SPICE1: variants seen among roughly 807,000 people sequenced by gnomAD.
SPICE1 encodes spindle and centriole associated protein 1.
A neutral mutation model predicts 102.7 loss-of-function variants in SPICE1; 75 were observed. The ratio of observed to expected loss-of-function variants is 0.73; its 90% CI spans 0.61 to 0.88. The LOEUF (loss-of-function observed/expected upper bound fraction) is 0.88, where lower values mean the gene tolerates loss of function less well. Ranked by LOEUF, SPICE1 falls within the 40% of genes least tolerant of loss-of-function variation. The pLI is 0.00. For synonymous variants in SPICE1, 308 were observed against 350.3 expected (o/e 0.88, Z 1.35); for missense variants, 979 against 1,020.1 (o/e 0.96, Z 0.55).
In SPICE1 at chr3:113,445,357, C is replaced by A; in HGVS notation, c.2518G>T (p.Glu840Ter). ...AACCAGCCTTCTTCATTCTGTTTCT[C>A]AATCTGTTGAACAAAGACACGGAAA... ...FTPLNPRAKI[E>*]KQNEEGWFAL... The change falls in exon 18 of 18, where the codon GAG (glutamate) becomes TAG (stop). Residue 840 changes from glutamate (E) to a stop codon, truncating the protein, a stop_gained. Transcript: ENST00000295872. LOFTEE classifies it high-confidence loss of function. The A allele has an allele frequency of 1.2e-6, 2 of 1,612,324 alleles. No homozygotes were observed. Among genetic ancestry groups the A allele is most frequent in the Non-Finnish European group, 1.7e-6 (2 of 1,179,120 alleles).
intron 7 of SPICE1, among the ~76,000 whole-genome samples, chr3:113,477,404 A>T (rs1384178759): frequency 1.3e-5 from 2 of 151,836 alleles, no homozygotes; most frequent in African/African-American, 4.8e-5. Context: ...TAGAACTAGA[A>T]ATACCATTTG....
At chr3:113,466,745 A>G (rs1936066938) in intron 10 of SPICE1, among the ~76,000 whole-genome samples, 2 of 152,242 alleles carry the variant, frequency 1.3e-5, no homozygotes, top group African/African-American at 2.4e-5. Context: ...TGAATCTGTC[A>G]TTAAAAAGTT....
At chr3:113,488,912 A>G in intron 7 of SPICE1, 33 bp downstream of exon 7, 1 of 1,337,932 alleles carries the variant, frequency 7.5e-7, no homozygotes, top group African/African-American at 1.4e-5. Flanking sequence ...AAAAAACCTG[A>G]GAGTTGTAAA....
At position 113,443,624 on chromosome 3, in the gene SPICE1, G is replaced by T. The variant is rs1472900459; in HGVS notation, c.*1683C>A. On this transcript the variant is annotated 3_prime_UTR_variant, in exon 18 of 18. Coordinates refer to ENST00000295872, the MANE Select transcript of SPICE1 (RefSeq NM_144718.4). ...AAGGAACAGCTATTCTTATTATTAT[G>T]CTGCTTCCATACTACACACACTGTA... 1 of 152,172 alleles carries T rather than the reference G, an allele frequency of 6.6e-6. No individual in the cohort carries two copies. Among genetic ancestry groups the T allele is most frequent in the Non-Finnish European group, 1.5e-5 (1 of 68,040 alleles). 9.4% of individuals were successfully genotyped at this position (152,172 alleles called of 1,614,324 possible).
chr3:113,488,031 T>A (rs188872726), intron 7 of SPICE1, among the ~76,000 whole-genome samples: 42 of 152,238 alleles, frequency 2.8e-4, no homozygotes, highest in South Asian at 8.3e-4. Context: ...AGGTTTTTTT[T>A]AAAAATGAAA....
In SPICE1 at chr3:113,465,634, T is replaced by G; in HGVS notation, c.1287+19A>C. The G allele has an allele frequency of 1.2e-6, 2 of 1,604,414 alleles. No homozygotes were observed. Among genetic ancestry groups the G allele is most frequent in the Non-Finnish European group, 1.7e-6 (2 of 1,177,014 alleles). On this transcript the variant is annotated intron_variant, in intron 11 of 17. Transcript: ENST00000295872. ...TTTATACCACTGAACACATAAAAAT[T>G]GGGATCTCATCTGAGTACCTGTGTA...
chr3:113,481,620 G>C (rs60634072), intron 7 of SPICE1, among the ~76,000 whole-genome samples: 3 of 150,096 alleles, frequency 2.0e-5, no homozygotes, highest in African/African-American at 7.4e-5. Flanking sequence ...CCCTGTGTCC[G>C]TGTGTTCTCA....
At position 113,442,853 on chromosome 3, in the gene SPICE1, A is replaced by G. The variant is rs977804182; in HGVS notation, c.*2454T>C. 2.0e-5 allele frequency: 3 copies of G among 152,234 alleles called. No homozygotes were observed. Among genetic ancestry groups the G allele is most frequent in the Admixed American group, 1.3e-4 (2 of 15,282 alleles). 9.4% of individuals were successfully genotyped at this position (152,234 alleles called of 1,614,324 possible). On this transcript the variant is annotated 3_prime_UTR_variant, in exon 18 of 18. Transcript: ENST00000295872. ...AAAATGATTATCCTTGCTATTACTT[A>G]TTAAATGGTATATCTAGGTGCCAGA...
At position 113,503,613 on chromosome 3, in the gene SPICE1, C is replaced by T. The variant is rs139351096; in HGVS notation, c.100-386G>A. On this transcript the variant is annotated intron_variant, in intron 2 of 17. Coordinates refer to ENST00000295872, the MANE Select transcript of SPICE1 (RefSeq NM_144718.4). ...TCTATGGAATCCCAGGATTCCACAA[C>T]GTAACGCTAAAGGTTCCTAAAAGAA... 8.8e-4 allele frequency among the ~76,000 whole-genome samples: 134 copies of T among 152,202 alleles called. 1 individual carries two copies. The highest frequency in any genetic ancestry group is 2.6e-3 in the African/African-American group (110 of 41,514).
At chr3:113,457,891 T>C (rs1935818374) in intron 12 of SPICE1, among the ~76,000 whole-genome samples, 3 of 152,188 alleles carry the variant, frequency 2.0e-5, no homozygotes, top group African/African-American at 7.2e-5. Flanking sequence ...TTTTCATTAT[T>C]TGTTATGGAT....
In SPICE1 at chr3:113,445,148, A is replaced by C. The variant is rs902997776; in HGVS notation, c.*159T>G. The C allele has an allele frequency of 7.7e-6, 4 of 516,726 alleles. No homozygotes were observed. The highest frequency in any genetic ancestry group is 1.3e-5 in the Non-Finnish European group (4 of 306,570). 32.0% of individuals were successfully genotyped at this position (516,726 alleles called of 1,614,324 possible). On this transcript the variant is annotated 3_prime_UTR_variant, in exon 18 of 18. Coordinates refer to ENST00000295872, the MANE Select transcript of SPICE1 (RefSeq NM_144718.4). ...TGGTTGTTGAAAACTTATTTGAGAA[A>C]GTCAAAAAATAATTGCTTTATTTCT...
chr3:113,505,412 C>A (rs1002068289), intron 2 of SPICE1, among the ~76,000 whole-genome samples: 12 of 152,026 alleles, frequency 7.9e-5, no homozygotes, highest in African/African-American at 2.7e-4. Context: ...AATCTAAACA[C>A]AGAGAAGTCC....
chr3:113,498,158 G>A (rs1936937116), intron 4 of SPICE1, among the ~76,000 whole-genome samples: 1 of 152,142 alleles, frequency 6.6e-6, no homozygotes, highest in African/African-American at 2.4e-5. Context: ...TTACAGGCAT[G>A]AGCTGCCACA....
At chr3:113,489,114 A>AACTTGT in intron 6 of SPICE1, 51 bp from the exon 7 acceptor site, 2 of 1,199,970 alleles carry the variant, frequency 1.7e-6, no homozygotes, top group Non-Finnish European at 2.4e-6. Context: ...ATATATACTC[A>AACTTGT]GACTTTCTTT....
At chr3:113,464,125 A>T (rs923424709) in intron 11 of SPICE1, among the ~76,000 whole-genome samples, 1 of 151,998 alleles carries the variant, frequency 6.6e-6, no homozygotes, top group Non-Finnish European at 1.5e-5. Flanking sequence ...AATGTTCTGG[A>T]TTTAGATAAC....
At chr3:113,506,756 T>G (rs1937121537) in intron 1 of SPICE1, 151 bp from the exon 2 acceptor site, 1 of 598,128 alleles carries the variant, frequency 1.7e-6, no homozygotes, top group African/African-American at 1.9e-5. Flanking sequence ...ATCAAAATAC[T>G]TAGTTCTTTT....
At chr3:113,494,681 C>T (rs1427440436) in intron 4 of SPICE1, among the ~76,000 whole-genome samples, 1 of 151,290 alleles carries the variant, frequency 6.6e-6, no homozygotes, top group Non-Finnish European at 1.5e-5. Context: ...CAATTGTGAC[C>T]CACCACATTT....
chr3:113,503,619 G>A (rs1021919212), intron 2 of SPICE1, among the ~76,000 whole-genome samples: 1 of 152,082 alleles, frequency 6.6e-6, no homozygotes, highest in Non-Finnish European at 1.5e-5. Context: ...ACAACGTAAC[G>A]CTAAAGGTTC....
intron 11 of SPICE1, among the ~76,000 whole-genome samples, chr3:113,464,756 T>A (rs1316885705): frequency 6.6e-6 from 1 of 152,176 alleles, no homozygotes; most frequent in Non-Finnish European, 1.5e-5. Context: ...CAAGTACACA[T>A]ATAAGTATAA....
Sources: gnomAD v4.1 joint callset for allele counts (sites outside exome capture counted in the v4.1 genomes callset) on GRCh38, gnomAD v4.1.1 for gene constraint, MANE v1.5 for transcripts, NCBI Gene and HGNC (gene_info 2026-07-23, HGNC 2026-07-21) for gene names.